Variants in NNT observed in about 807,000 individuals in gnomAD.
The protein encoded by NNT is nicotinamide nucleotide transhydrogenase.
Under a neutral mutation model 104.8 loss-of-function variants are expected in NNT, and 50 were observed. The ratio of observed to expected loss-of-function variants is 0.48; its 90% CI spans 0.38 to 0.60. NNT has a LOEUF of 0.60. NNT is among the 20% of genes least tolerant of loss of function. The pLI, the probability that NNT is intolerant of heterozygous loss-of-function variation, is 0.00. For missense variants in NNT, 1,131 were observed against 1,330.7 expected, an observed-to-expected ratio of 0.85 and a Z score of 2.33; for synonymous variants, 461 against 490.4, an observed-to-expected ratio of 0.94 and a Z score of 0.79.
intron 7 of NNT, among the ~76,000 whole-genome samples, chr5:43,634,567 G>A (rs768476951): frequency 1.3e-5 from 2 of 151,846 alleles, no homozygotes; most frequent in African/African-American, 2.4e-5. Flanking sequence ...ATTCATGTTC[G>A]GTAATTCCTT....
At chr5:43,611,094 G>GCCTCCCTC (rs1256999270) in intron 2 of NNT, among the ~76,000 whole-genome samples, 2 of 68,086 alleles carry the variant, frequency 2.9e-5, no homozygotes, top group African/African-American at 5.9e-5. Flanking sequence ...CTCCCTCCCT[G>GCCTCCCTC]CCTCCCTCCC....
chr5:43,644,541 T>C, intron 8 of NNT, 70 bp from the exon 9 acceptor site: 5 of 1,347,698 alleles, frequency 3.7e-6, no homozygotes, highest in Admixed American at 2.4e-5. Flanking sequence ...TGAATATGAA[T>C]GATAATTGTT....
intron 5 of NNT, among the ~76,000 whole-genome samples, chr5:43,620,264 G>C (rs188424862): frequency 6.6e-6 from 1 of 151,876 alleles, no homozygotes; most frequent in African/African-American, 2.4e-5. Context: ...CTGTCACCCA[G>C]ACTGGAGTGC....
intron 1 of NNT, among the ~76,000 whole-genome samples, chr5:43,605,900 C>CT (rs1461749222): frequency 6.6e-6 from 1 of 152,134 alleles, no homozygotes; most frequent in Non-Finnish European, 1.5e-5. Flanking sequence ...TCTGATGCCC[C>CT]TGCCAAGGAT....
intron 16 of NNT, among the ~76,000 whole-genome samples, chr5:43,657,112 G>T (rs1194847761): frequency 6.6e-6 from 1 of 152,110 alleles, no homozygotes; most frequent in Admixed American, 6.5e-5. Flanking sequence ...AAAGGCCAAG[G>T]GTTTCAATGT....
intron 16 of NNT, among the ~76,000 whole-genome samples, chr5:43,658,162 C>T (rs1254247235): frequency 6.6e-6 from 1 of 151,978 alleles, no homozygotes; most frequent in Non-Finnish European, 1.5e-5. Flanking sequence ...AAAAGATATA[C>T]AAATCTAAAA....
At chr5:43,655,478 T>C (rs1006276229) in intron 14 of NNT, among the ~76,000 whole-genome samples, 6 of 152,208 alleles carry the variant, frequency 3.9e-5, no homozygotes, top group African/African-American at 7.2e-5. Flanking sequence ...CACAAAATAA[T>C]TTAAAATGTT....
chr5:43,706,706 G>T lies in NNT; in HGVS notation c.*2302G>T, dbSNP rs576338824. 3 of 152,272 alleles carry T rather than the reference G, an allele frequency of 2.0e-5. No homozygotes were observed. The East Asian group carries it at 5.8e-4, about 29-fold the overall frequency. The allele number at this position is 152,272 out of a possible 1,614,324, so 9.4% of individuals were successfully genotyped here. ...TTGCAGCACTATTCACAATAGCAAAGACTTGGAACCAACCCAAATGTCCAT... is the reference window on the plus strand; with the variant it reads ...TTGCAGCACTATTCACAATAGCAAATACTTGGAACCAACCCAAATGTCCAT... On this transcript the variant is annotated 3_prime_UTR_variant, in exon 22 of 22. Transcript: ENST00000344920.
In NNT at chr5:43,650,480, T is replaced by C; in HGVS notation, c.1610T>C (p.Leu537Pro). Reference sequence around the variant, plus strand: ...CATGTTAATGCTTTCTTTCTAGGGCTGACTGCAGTTGGTGGGTTGGCACTG... The same window carrying C: ...CATGTTAATGCTTTCTTTCTAGGGCCGACTGCAGTTGGTGGGTTGGCACTG... The part of the protein sequence containing the change: ...LMSVTNAISG[L>P]TAVGGLALMG... Residue 537 changes from leucine to proline, a missense_variant, in exon 12 of 22, where the codon CTG becomes CCG. Leu to Pro is a moderately conservative substitution (Grantham distance 98, BLOSUM62 -3). Transcript: ENST00000344920. 1.2e-6 allele frequency: 2 copies of C among 1,613,122 alleles called. No homozygotes were observed. Among genetic ancestry groups the C allele is most frequent in the Admixed American group, 1.7e-5 (1 of 60,022 alleles).
At chr5:43,609,063 A>G (rs1016865232) in intron 1 of NNT, 80 bp from the exon 2 acceptor site, 8 of 650,346 alleles carry the variant, frequency 1.2e-5, no homozygotes, top group Admixed American at 6.2e-5. Context: ...TTAGATTAGT[A>G]TTTTTAAAAT....
intron 7 of NNT, among the ~76,000 whole-genome samples, chr5:43,632,942 G>A (rs34369923): frequency 0.034 from 5,144 of 152,252 alleles, 135 homozygotes; most frequent in East Asian, 0.12. Context: ...ATGGTGTGGG[G>A]TGAGAAGGAA....
intron 1 of NNT, among the ~76,000 whole-genome samples, chr5:43,606,661 C>G (rs140808488): frequency 5.3e-5 from 8 of 152,202 alleles, no homozygotes; most frequent in African/African-American, 1.9e-4. Flanking sequence ...TCATCTCAAA[C>G]GGCTTTCCCT....
At chr5:43,606,347 C>T (rs1049362118) in intron 1 of NNT, among the ~76,000 whole-genome samples, 1 of 152,166 alleles carries the variant, frequency 6.6e-6, no homozygotes, top group African/African-American at 2.4e-5. Context: ...CACATCTTTG[C>T]AACTCCCTTA....
rs759413493 is a variant in NNT at position 43,653,170 on chromosome 5, A to G, written c.2016A>G (p.Leu672=). The G allele has an allele frequency of 3.1e-6, 5 of 1,614,120 alleles. No homozygotes were observed. In the African/African-American group the frequency reaches 6.7e-5, roughly 22 times the overall value. ...TLGVLKPGPE[L]LAQMSGAMAL... ...GAGTCCTAAAACCGGGCCCAGAATT[A>G]CTAGCTCAGATGTCTGGAGCGATGG... Residue 672 remains leucine (L), a synonymous_variant, in exon 14 of 22, where the codon TTA becomes TTG. Transcript: ENST00000344920.
chr5:43,686,752 G>A (rs912027416), intron 19 of NNT, among the ~76,000 whole-genome samples: 3 of 152,032 alleles, frequency 2.0e-5, no homozygotes, highest in African/African-American at 7.2e-5. Flanking sequence ...TTGAACAATT[G>A]TGTCTGCCAG....
chr5:43,615,417 G>A (rs1361478740), intron 3 of NNT, among the ~76,000 whole-genome samples: 1 of 152,198 alleles, frequency 6.6e-6, no homozygotes, highest in Non-Finnish European at 1.5e-5. Context: ...AATTATTCAT[G>A]CTTGCCAAAA....
chr5:43,604,958 C>T (rs1749126929), intron 1 of NNT, among the ~76,000 whole-genome samples: 1 of 152,122 alleles, frequency 6.6e-6, no homozygotes, highest in Non-Finnish European at 1.5e-5. Flanking sequence ...AGGCGTGAGC[C>T]ACCACCCTGG....
intron 19 of NNT, among the ~76,000 whole-genome samples, chr5:43,681,820 G>GT (rs1230845923): frequency 6.6e-6 from 1 of 152,200 alleles, no homozygotes; most frequent in Admixed American, 6.5e-5. Context: ...ACAAGGATGC[G>GT]TAAGTCCAGT....
intron 16 of NNT, 133 bp downstream of exon 16, chr5:43,656,946 G>A: frequency 2.5e-6 from 2 of 800,146 alleles, no homozygotes; most frequent in Non-Finnish European, 3.8e-6. Flanking sequence ...TACGTCACAT[G>A]TGCATCTTTT....
Sources: gnomAD v4.1 joint callset for allele counts (sites outside exome capture counted in the v4.1 genomes callset) on GRCh38, gnomAD v4.1.1 for gene constraint, MANE v1.5 for transcripts, NCBI Gene and HGNC (gene_info 2026-07-23, HGNC 2026-07-21) for gene names.